FGF14: variants seen among roughly 807,000 people sequenced by gnomAD.
The protein encoded by FGF14 is fibroblast growth factor 14, also known as fibroblast growth factor homologous factor 4.
Under a neutral mutation model 25.5 loss-of-function variants are expected in FGF14, and 5 were observed. The observed-to-expected ratio is 0.20, with a 90% CI of 0.10 to 0.41. FGF14 has a LOEUF of 0.41. FGF14 is among the 10% of genes least tolerant of loss of function. FGF14 has a pLI of 1.00. For synonymous variants in FGF14, 138 were observed against 118.3 expected (o/e 1.17, Z -1.08); for missense variants, 222 against 320.1 (o/e 0.69, Z 2.34).
intron 1 of FGF14, among the ~76,000 whole-genome samples, chr13:102,144,264 A>C (rs2046762368): frequency 6.6e-6 from 1 of 152,122 alleles, no homozygotes; most frequent in South Asian, 2.1e-4. Context: ...CACACCAAGC[A>C]TATGTTACAA....
In FGF14 at chr13:101,711,811, AGG is replaced by A. The variant is rs2034480989; in HGVS notation, c.*11018_*11019del. On this transcript the variant is annotated 3_prime_UTR_variant, in exon 5 of 5. Transcript: ENST00000376143. ...CAGAAGGGAGATGGGAACATTCTCA[AGG>A]GTCCTTATATTGAGAAAGAAAATGA... is the stretch of plus-strand genomic sequence containing the variant. The A allele has an allele frequency of 6.6e-6, 1 of 152,216 alleles. No homozygotes were observed. Among genetic ancestry groups the A allele is most frequent in the African/African-American group, 2.4e-5 (1 of 41,448 alleles). The allele number at this position is 152,216 out of a possible 1,614,324, so 9.4% of individuals were successfully genotyped here. A position where few individuals can be genotyped will look rare whatever the true frequency, so the allele number is the denominator to read the frequency against.
chr13:102,087,569 G>T (rs1410738805), intron 1 of FGF14, among the ~76,000 whole-genome samples: 2 of 130,540 alleles, frequency 1.5e-5, no homozygotes, highest in African/African-American at 5.7e-5. Flanking sequence ...CTGCCACCAT[G>T]CCTGGCTTTT....
intron 1 of FGF14, among the ~76,000 whole-genome samples, chr13:102,318,794 G>A (rs1395799365): frequency 2.6e-5 from 4 of 152,108 alleles, no homozygotes; most frequent in African/African-American, 9.7e-5. Context: ...AAATTTGAGG[G>A]GGGCACGTTT....
At chr13:101,953,561 T>A (rs1664478807) in intron 1 of FGF14, among the ~76,000 whole-genome samples, 1 of 149,822 alleles carries the variant, frequency 6.7e-6, no homozygotes, top group Admixed American at 6.7e-5. Flanking sequence ...TATATATATG[T>A]GTGTGTGTGT....
chr13:102,059,632 C>T (rs780406454), intron 1 of FGF14, among the ~76,000 whole-genome samples: 47 of 152,060 alleles, frequency 3.1e-4, no homozygotes, highest in Admixed American at 4.6e-4. Context: ...GGGTGGATCA[C>T]GTGAGGTCAG....
intron 1 of FGF14, among the ~76,000 whole-genome samples, chr13:102,337,695 T>C (rs2056827577): frequency 6.6e-6 from 1 of 152,092 alleles, no homozygotes; most frequent in Non-Finnish European, 1.5e-5. Context: ...AACTTTATTG[T>C]TGTCTTATTT....
At chr13:102,101,982 C>T (rs796269886) in intron 1 of FGF14, among the ~76,000 whole-genome samples, 2 of 152,256 alleles carry the variant, frequency 1.3e-5, no homozygotes, top group African/African-American at 4.8e-5. Context: ...GGATTACAGG[C>T]GTGAGCCACC....
intron 3 of FGF14, among the ~76,000 whole-genome samples, chr13:101,803,498 C>A (rs2041018796): frequency 6.6e-6 from 1 of 152,116 alleles, no homozygotes; most frequent in Non-Finnish European, 1.5e-5. Context: ...CTGCATCAAT[C>A]AAAGTTCAAG....
intron 3 of FGF14, among the ~76,000 whole-genome samples, chr13:101,772,421 T>C (rs1347891915): frequency 1.3e-5 from 2 of 152,094 alleles, no homozygotes; most frequent in Non-Finnish European, 2.9e-5. Flanking sequence ...AACTATAGTA[T>C]CAGGACAGAC....
intron 1 of FGF14, among the ~76,000 whole-genome samples, chr13:102,042,880 G>A (rs1231574501): frequency 6.6e-6 from 1 of 152,158 alleles, no homozygotes; most frequent in African/African-American, 2.4e-5. Context: ...TGTTGCAGAG[G>A]GCTTTGCGTA....
At chr13:101,806,464 C>G (rs1455645302) in intron 3 of FGF14, among the ~76,000 whole-genome samples, 1 of 147,916 alleles carries the variant, frequency 6.8e-6, no homozygotes, top group Admixed American at 6.7e-5. Context: ...TGTATATGTA[C>G]ATTGAGAAAA....
chr13:101,894,349 A>C (rs1205127194), intron 1 of FGF14, among the ~76,000 whole-genome samples: 1 of 152,162 alleles, frequency 6.6e-6, no homozygotes, highest in Non-Finnish European at 1.5e-5. Context: ...GGTGCTTCTA[A>C]TTGAAGAAAC....
intron 1 of FGF14, among the ~76,000 whole-genome samples, chr13:102,212,695 C>A (rs893108748): frequency 6.6e-6 from 1 of 152,160 alleles, no homozygotes; most frequent in Non-Finnish European, 1.5e-5. Context: ...TTAACAAGGA[C>A]TAATTACAAG....
At chr13:101,870,398 ACTG>A (rs1165727607) in intron 2 of FGF14, among the ~76,000 whole-genome samples, 1 of 152,168 alleles carries the variant, frequency 6.6e-6, no homozygotes, top group Non-Finnish European at 1.5e-5. Flanking sequence ...TAATCATATG[ACTG>A]TCCACGCAAG....
At chr13:101,773,424 G>A in intron 3 of FGF14, among the ~76,000 whole-genome samples, 1 of 151,176 alleles carries the variant, frequency 6.6e-6, no homozygotes, top group East Asian at 1.9e-4. Context: ...TTTTTTTCTT[G>A]TCAGTGATAT....
chr13:102,328,825 T>C (rs1287644336), intron 1 of FGF14, among the ~76,000 whole-genome samples: 1 of 152,184 alleles, frequency 6.6e-6, no homozygotes, highest in Non-Finnish European at 1.5e-5. Flanking sequence ...GTATTCCAGA[T>C]ATTCTGGTGT....
intron 1 of FGF14, among the ~76,000 whole-genome samples, chr13:102,233,535 C>T (rs898243833): frequency 2.0e-5 from 3 of 152,142 alleles, no homozygotes; most frequent in Non-Finnish European, 4.4e-5. Context: ...GCTGTACCCC[C>T]AGCACCTATA....
intron 1 of FGF14, among the ~76,000 whole-genome samples, chr13:101,988,966 T>G (rs1220118195): frequency 1.3e-5 from 2 of 152,074 alleles, no homozygotes; most frequent in Non-Finnish European, 2.9e-5. Context: ...AACCTTAAGA[T>G]CAAACATAAT....
At chr13:102,066,818 C>G (rs79574278) in intron 1 of FGF14, among the ~76,000 whole-genome samples, 2,104 of 152,264 alleles carry the variant, frequency 0.014, 48 homozygotes, top group African/African-American at 0.049. Flanking sequence ...AGAGCTCCCC[C>G]CTTTGTACCT....
Sources: gnomAD v4.1 joint callset for allele counts (sites outside exome capture counted in the v4.1 genomes callset) on GRCh38, gnomAD v4.1.1 for gene constraint, MANE v1.5 for transcripts, NCBI Gene and HGNC (gene_info 2026-07-23, HGNC 2026-07-21) for gene names.